The following CDC73 variants were observed in gnomAD, a reference collection of about 807,000 sequenced individuals.
CDC73 encodes the protein cell division cycle 73.
A neutral mutation model predicts 83.7 loss-of-function variants in CDC73; 21 were observed. The observed-to-expected ratio is 0.25, with a 90% CI of 0.18 to 0.36. The LOEUF is 0.36. CDC73 is among the 10% of genes least tolerant of loss of function. CDC73 has a pLI of 1.00. For missense variants in CDC73, 342 were observed against 653.3 expected, an observed-to-expected ratio of 0.52 and a Z score of 5.19; for synonymous variants, 224 against 212.9, an observed-to-expected ratio of 1.05 and a Z score of -0.45.
At chr1:193,163,421 T>C (rs1676376978) in intron 10 of CDC73, among the ~76,000 whole-genome samples, 1 of 151,880 alleles carries the variant, frequency 6.6e-6, no homozygotes, top group South Asian at 2.1e-4. Context: ...GCAGGTAGAT[T>C]GATTAAGCCC....
chr1:193,195,406 T>A (rs1378497768), intron 10 of CDC73, among the ~76,000 whole-genome samples: 2 of 152,174 alleles, frequency 1.3e-5, no homozygotes, highest in Non-Finnish European at 2.9e-5. Context: ...GTGTTGACGT[T>A]CATTAGAGTT....
At chr1:193,164,097 G>T (rs185491178) in intron 10 of CDC73, among the ~76,000 whole-genome samples, 206 of 152,258 alleles carry the variant, frequency 1.4e-3, no homozygotes, top group African/African-American at 3.6e-3. Context: ...ACAAAACTAT[G>T]CTTCATTGTG....
chr1:193,158,245 T>C (rs1415251482), intron 10 of CDC73, among the ~76,000 whole-genome samples: 1 of 152,150 alleles, frequency 6.6e-6, no homozygotes, highest in Non-Finnish European at 1.5e-5. Flanking sequence ...CAGAGATCTT[T>C]TGCATTTGAG....
intron 7 of CDC73, among the ~76,000 whole-genome samples, chr1:193,143,543 A>G (rs1675942827): frequency 6.6e-6 from 1 of 152,214 alleles, no homozygotes; most frequent in South Asian, 2.1e-4. Flanking sequence ...TATTGTTGGT[A>G]CCACTATATC....
intron 1 of CDC73, among the ~76,000 whole-genome samples, chr1:193,122,905 G>A (rs1675487091): frequency 2.6e-5 from 4 of 152,154 alleles, no homozygotes; most frequent in Admixed American, 2.6e-4. Flanking sequence ...GTGTTAGAGA[G>A]GTCTTCAGGA....
intron 10 of CDC73, among the ~76,000 whole-genome samples, chr1:193,172,790 C>T (rs575967732): frequency 1.3e-4 from 20 of 152,276 alleles, no homozygotes; most frequent in African/African-American, 4.3e-4. Flanking sequence ...TTGATTGTTA[C>T]TTGGTAACTT....
intron 14 of CDC73, among the ~76,000 whole-genome samples, chr1:193,234,537 G>A (rs189923326): frequency 6.6e-6 from 1 of 151,846 alleles, no homozygotes; most frequent in East Asian, 1.9e-4. Flanking sequence ...TCACTATGCT[G>A]TAAAATACTG....
At chr1:193,182,233 A>G (rs1192077670) in intron 10 of CDC73, among the ~76,000 whole-genome samples, 1 of 152,132 alleles carries the variant, frequency 6.6e-6, no homozygotes, top group Non-Finnish European at 1.5e-5. Context: ...GTGTTGAGAA[A>G]GTCAATGAGA....
chr1:193,160,372 G>A (rs995827280), intron 10 of CDC73, among the ~76,000 whole-genome samples: 19 of 151,894 alleles, frequency 1.3e-4, no homozygotes, highest in African/African-American at 4.4e-4. Context: ...AATATTGATC[G>A]TTGTAAGAAT....
At chr1:193,150,620 T>C (rs1177401321) in intron 9 of CDC73, among the ~76,000 whole-genome samples, 2 of 152,238 alleles carry the variant, frequency 1.3e-5, no homozygotes, top group Admixed American at 6.5e-5. Flanking sequence ...CAGTAGAGAC[T>C]GTGTAGCCTA....
At chr1:193,217,251 C>T (rs1023994005) in intron 13 of CDC73, among the ~76,000 whole-genome samples, 5 of 152,022 alleles carry the variant, frequency 3.3e-5, no homozygotes, top group Admixed American at 2.0e-4. Flanking sequence ...CCCCAGTGGA[C>T]GTGTGTTACA....
chr1:193,169,017 C>T (rs1483581042), intron 10 of CDC73, among the ~76,000 whole-genome samples: 1 of 152,054 alleles, frequency 6.6e-6, no homozygotes, highest in Non-Finnish European at 1.5e-5. Context: ...GTGTGCCATA[C>T]AAAAACAAGT....
chr1:193,181,051 C>T (rs1253584043), intron 10 of CDC73: 2 of 1,613,812 alleles, frequency 1.2e-6, no homozygotes, highest in Non-Finnish European at 1.7e-6. Flanking sequence ...CCAAGTTTGC[C>T]GAATAGCTCT....
At chr1:193,197,365 CA>C (rs1677018677) in intron 10 of CDC73, among the ~76,000 whole-genome samples, 1 of 152,112 alleles carries the variant, frequency 6.6e-6, no homozygotes, top group Admixed American at 6.6e-5. Context: ...CTTATCCTTA[CA>C]TAAAGAGTGT....
In CDC73 at chr1:193,252,356, C is replaced by T. The variant is rs764317616; in HGVS notation, c.*1644C>T. ...AATTACATGTTGTGTAAACTTTCTCCATGATGAAATAGTCAAGGACCAGAA... is the reference window on the plus strand; with the variant it reads ...AATTACATGTTGTGTAAACTTTCTCTATGATGAAATAGTCAAGGACCAGAA... On this transcript the variant is annotated 3_prime_UTR_variant, in exon 17 of 17. Coordinates refer to ENST00000367435, the MANE Select transcript of CDC73 (RefSeq NM_024529.5). 2.2e-4 allele frequency: 51 copies of T among 229,664 alleles called. No individual in the cohort carries two copies. The highest frequency in any genetic ancestry group is 3.9e-4 in the Non-Finnish European group (45 of 115,910). 14.2% of individuals were successfully genotyped at this position (229,664 alleles called of 1,614,324 possible).
chr1:193,192,813 GTTAA>G (rs1676941390), intron 10 of CDC73, among the ~76,000 whole-genome samples: 1 of 152,208 alleles, frequency 6.6e-6, no homozygotes, highest in Admixed American at 6.5e-5. Context: ...CACGTGTGTG[GTTAA>G]TTAATCTGGT....
At chr1:193,130,119 T>A in intron 2 of CDC73, 55 bp from the exon 3 acceptor site, 1 of 816,344 alleles carries the variant, frequency 1.2e-6, no homozygotes, top group South Asian at 1.4e-5. Context: ...TAATATTTAT[T>A]AAGTTGTGTA....
At chr1:193,146,019 C>G (rs951494686) in intron 7 of CDC73, among the ~76,000 whole-genome samples, 2 of 151,730 alleles carry the variant, frequency 1.3e-5, no homozygotes, top group African/African-American at 2.4e-5. Flanking sequence ...AGGAGTGATA[C>G]CTAAAGAACA....
intron 10 of CDC73, among the ~76,000 whole-genome samples, chr1:193,167,242 T>C (rs1676449055): frequency 6.6e-6 from 1 of 152,184 alleles, no homozygotes; most frequent in African/African-American, 2.4e-5. Flanking sequence ...AGCATCTTAA[T>C]AGATTCCCCT....
Sources: allele counts gnomAD v4.1 joint callset (sites outside exome capture counted in the v4.1 genomes callset), GRCh38; gene constraint gnomAD v4.1.1; transcripts MANE v1.5; gene names NCBI Gene and HGNC (gene_info 2026-07-23, HGNC 2026-07-21).